Variants in AGBL1 observed in about 807,000 individuals in gnomAD.
AGBL1 encodes AGBL carboxypeptidase 1, also known as cytosolic carboxypeptidase 4.
AGBL1 carries 130 observed loss-of-function variants against 118.9 expected under a neutral mutation model. The observed-to-expected ratio is 1.09, with a 90% CI of 0.95 to 1.26. The LOEUF (loss-of-function observed/expected upper bound fraction) is 1.26, where lower values mean the gene tolerates loss of function less well. Among genes scored for constraint, AGBL1 ranks in the 50% most tolerant of loss-of-function variants. The pLI, the probability that AGBL1 is intolerant of heterozygous loss-of-function variation, is 0.00. For missense variants in AGBL1, 1,584 were observed against 1,298.1 expected, an observed-to-expected ratio of 1.22 and a Z score of -3.38; for synonymous variants, 555 against 478.9, an observed-to-expected ratio of 1.16 and a Z score of -2.08.
chr15:86,530,508 T>C (rs1255361885), intron 19 of AGBL1, among the ~76,000 whole-genome samples: 2 of 135,308 alleles, frequency 1.5e-5, no homozygotes, highest in Admixed American at 1.4e-4. Flanking sequence ...ACATTAATAA[T>C]AGGAGACTTT....
intron 18 of AGBL1, among the ~76,000 whole-genome samples, chr15:86,514,151 CACACACACACAT>C (rs995342348): frequency 1.3e-5 from 2 of 151,172 alleles, no homozygotes; most frequent in African/African-American, 4.9e-5. Flanking sequence ...CACACACACA[CACACACACACAT>C]ACACATCTAT....
At chr15:86,248,615 A>C (rs916733557) in intron 7 of AGBL1, among the ~76,000 whole-genome samples, 4 of 152,210 alleles carry the variant, frequency 2.6e-5, no homozygotes, top group African/African-American at 9.7e-5. Flanking sequence ...CGTGCTTAGA[A>C]GAGTGCTTGC....
intron 24 of AGBL1, among the ~76,000 whole-genome samples, chr15:87,018,311 T>C (rs2081628130): frequency 6.6e-6 from 1 of 151,994 alleles, no homozygotes; most frequent in Non-Finnish European, 1.5e-5. Context: ...AGAAACATAA[T>C]CATCGGATTC....
chr15:86,903,284 A>G (rs971836407), intron 22 of AGBL1, among the ~76,000 whole-genome samples: 1 of 150,530 alleles, frequency 6.6e-6, no homozygotes, highest in Non-Finnish European at 1.5e-5. Context: ...CTTTGCTGAG[A>G]CTTTTTGTTT....
intron 23 of AGBL1, among the ~76,000 whole-genome samples, chr15:86,958,643 T>C (rs1051339231): frequency 2.0e-5 from 3 of 152,164 alleles, no homozygotes; most frequent in Admixed American, 1.3e-4. Flanking sequence ...AAAGACTCAG[T>C]TGAAAAGCTA....
intron 22 of AGBL1, among the ~76,000 whole-genome samples, chr15:86,710,091 C>G (rs1161996905): frequency 6.6e-6 from 1 of 152,080 alleles, no homozygotes; most frequent in East Asian, 1.9e-4. Flanking sequence ...TGTGCTAGAA[C>G]AAAGGTACTA....
chr15:86,223,984 G>A (rs1751340126), intron 5 of AGBL1, among the ~76,000 whole-genome samples: 1 of 152,124 alleles, frequency 6.6e-6, no homozygotes, highest in South Asian at 2.1e-4. Context: ...AGATTCCTGG[G>A]ATTGGGATCC....
At chr15:86,152,463 T>C (rs923436543) in intron 3 of AGBL1, among the ~76,000 whole-genome samples, 3 of 152,206 alleles carry the variant, frequency 2.0e-5, no homozygotes, top group Non-Finnish European at 4.4e-5. Context: ...GCCAGCGATA[T>C]GTAGAAAGCT....
Position 86,966,637 on chromosome 15 carries a change from C to T in AGBL1, c.3222-21350C>T, listed in dbSNP as rs529077854. Among the ~76,000 whole-genome samples the T allele has an allele frequency of 1.9e-4, 29 of 152,178 alleles. No individual in the cohort carries two copies. In the Middle Eastern group the frequency reaches 0.014, roughly 71 times the overall value. On this transcript the variant is annotated intron_variant, in intron 23 of 24. Transcript: ENST00000441037. ...GATGGTTTCCAGCTTCATCCATGTC[C>T]CTACCAAGGTCATGAACTCATCTTT...
At chr15:86,486,983 T>C (rs1205628555) in intron 18 of AGBL1, among the ~76,000 whole-genome samples, 1 of 152,076 alleles carries the variant, frequency 6.6e-6, no homozygotes, top group East Asian at 1.9e-4. Context: ...ATGCTTATCC[T>C]CTTTTCATTT....
chr15:86,260,521 T>G (rs1274308365), intron 9 of AGBL1, among the ~76,000 whole-genome samples: 1 of 152,222 alleles, frequency 6.6e-6, no homozygotes, highest in Non-Finnish European at 1.5e-5. Flanking sequence ...TCTCCCTTCC[T>G]TCTTCCTTCC....
In AGBL1 at chr15:86,247,878, A is replaced by T. The variant is rs201507492; in HGVS notation, c.734A>T (p.Gln245Leu). 10 of 1,613,834 alleles carry T rather than the reference A, an allele frequency of 6.2e-6. No individual in the cohort carries two copies. The highest frequency in any genetic ancestry group is 6.8e-6 in the Non-Finnish European group (8 of 1,179,882). The change falls in exon 7 of 23, where the codon CAG becomes CTG. Residue 245 changes from glutamine to leucine, a missense_variant and splice_region_variant. Transcript: ENST00000614907. The part of the protein sequence containing the change: ...QGMEILFSTT[Q>L]NCLDDKSMEP... ...ATGGAGATCCTCTTCAGCACCACAC[A>T]GGCAGGCAGCATGGGGATTCACTCT...
At chr15:86,326,093 C>T (rs2080178952) in intron 17 of AGBL1, among the ~76,000 whole-genome samples, 1 of 152,222 alleles carries the variant, frequency 6.6e-6, no homozygotes, top group South Asian at 2.1e-4. Context: ...GAAGGCAGAT[C>T]GATGCTCCAA....
At chr15:87,022,575 C>T (rs1295780145) in intron 24 of AGBL1, among the ~76,000 whole-genome samples, 1 of 151,980 alleles carries the variant, frequency 6.6e-6, no homozygotes, top group Non-Finnish European at 1.5e-5. Context: ...TGCTAGAGAC[C>T]TAGACATCCA....
intron 16 of AGBL1, among the ~76,000 whole-genome samples, chr15:86,289,868 A>T (rs1236266205): frequency 6.6e-6 from 1 of 152,174 alleles, no homozygotes; most frequent in African/African-American, 2.4e-5. Flanking sequence ...TAACATCTTC[A>T]CAGGTTGCAG....
intron 21 of AGBL1, among the ~76,000 whole-genome samples, chr15:86,604,722 T>C (rs2084547076): frequency 6.6e-6 from 1 of 151,976 alleles, no homozygotes; most frequent in African/African-American, 2.4e-5. Context: ...TAATTAAAAT[T>C]ATATATAAAT....
At chr15:86,296,262 AG>A (rs1178988959) in intron 17 of AGBL1, 5 of 151,808 alleles carry the variant, frequency 3.3e-5, no homozygotes, top group African/African-American at 4.8e-5. Context: ...CCAAAGAATG[AG>A]GAATGTTTTG....
At chr15:86,548,220 T>C (rs2083612578) in intron 20 of AGBL1, among the ~76,000 whole-genome samples, 1 of 152,164 alleles carries the variant, frequency 6.6e-6, no homozygotes, top group South Asian at 2.1e-4. Context: ...GATTCCTTCA[T>C]TACCATCAAA....
intron 5 of AGBL1, among the ~76,000 whole-genome samples, chr15:86,172,618 G>T (rs117615488): frequency 6.6e-6 from 1 of 152,128 alleles, no homozygotes; most frequent in Non-Finnish European, 1.5e-5. Context: ...TCTGTGTCTC[G>T]CTTATTTCAC....
Sources: allele counts gnomAD v4.1 joint callset (sites outside exome capture counted in the v4.1 genomes callset), GRCh38; gene constraint gnomAD v4.1.1; transcripts MANE v1.5; gene names NCBI Gene and HGNC (gene_info 2026-07-23, HGNC 2026-07-21).